The following FMN1 variants were observed in gnomAD, a reference collection of about 807,000 sequenced individuals.
FMN1 encodes the protein formin-1.
A neutral mutation model predicts 132.4 loss-of-function variants in FMN1; 110 were observed. The observed-to-expected ratio is 0.83, with a 90% CI of 0.71 to 0.97. The LOEUF (loss-of-function observed/expected upper bound fraction) is 0.97, where lower values mean the gene tolerates loss of function less well. Among genes scored for constraint, FMN1 ranks in the 50% least tolerant of loss-of-function variants. FMN1 has a pLI of 0.00. For synonymous variants in FMN1, 722 were observed against 651.7 expected, an observed-to-expected ratio of 1.11 and a Z score of -1.64; for missense variants, 1,792 against 1,705.3, an observed-to-expected ratio of 1.05 and a Z score of -0.90.
chr15:33,089,178 G>A (rs1235592407), intron 4 of FMN1, among the ~76,000 whole-genome samples: 1 of 151,962 alleles, frequency 6.6e-6, no homozygotes, highest in Non-Finnish European at 1.5e-5. Flanking sequence ...TACAACATAC[G>A]CCCTCATCCC....
chr15:32,934,064 T>C (rs892567787), intron 9 of FMN1, among the ~76,000 whole-genome samples: 1 of 150,730 alleles, frequency 6.6e-6, no homozygotes, highest in Non-Finnish European at 1.5e-5. Context: ...TCTATATTGA[T>C]GACTTTTGTG....
At chr15:32,930,335 A>AC (rs1355998319) in intron 9 of FMN1, among the ~76,000 whole-genome samples, 1 of 151,824 alleles carries the variant, frequency 6.6e-6, no homozygotes, top group African/African-American at 2.4e-5. Flanking sequence ...TAGTGACTAC[A>AC]CCATTTTACA....
chr15:33,109,963 G>C (rs993821547), intron 4 of FMN1, among the ~76,000 whole-genome samples: 37 of 152,086 alleles, frequency 2.4e-4, no homozygotes, highest in African/African-American at 8.9e-4. Flanking sequence ...ACTTCACCTA[G>C]CAACTGGACA....
chr15:32,905,906 T>TGCCTCACCCTCCCGC (rs1388882739), intron 12 of FMN1, among the ~76,000 whole-genome samples: 71 of 152,222 alleles, frequency 4.7e-4, no homozygotes, highest in African/African-American at 1.6e-3. Flanking sequence ...CATCTATCCG[T>TGCCTCACCCTCCCGC]GCCTCACCCT....
intron 4 of FMN1, among the ~76,000 whole-genome samples, chr15:33,116,608 G>A (rs564748219): frequency 7.9e-5 from 12 of 152,056 alleles, no homozygotes; most frequent in Non-Finnish European, 1.5e-4. Flanking sequence ...CACCTCCCAG[G>A]CTTAAATTAT....
intron 17 of FMN1, among the ~76,000 whole-genome samples, chr15:32,828,547 C>T (rs1284064794): frequency 1.3e-5 from 2 of 151,422 alleles, no homozygotes; most frequent in Non-Finnish European, 2.9e-5. Context: ...AGTGAATAGA[C>T]TCTAGCTTGG....
chr15:33,175,306 T>G (rs1965478203), intron 3 of FMN1, among the ~76,000 whole-genome samples: 1 of 152,176 alleles, frequency 6.6e-6, no homozygotes, highest in African/African-American at 2.4e-5. Flanking sequence ...TAGGCTCAAG[T>G]GACCCGCCTG....
chr15:32,968,974 T>G lies in FMN1; in HGVS notation c.2727A>C (p.Pro909=). ...AGPPLPPPPP[P]PPPLPPPSSA... is the part of the protein sequence containing the mutation. Reference sequence around the variant, plus strand: ...TTGAAGGTGGAGGTAGAGGTGGCGGTGGAGGAGGCGGAGGTGGTAGCGGTG... The same window carrying G: ...TTGAAGGTGGAGGTAGAGGTGGCGGGGGAGGAGGCGGAGGTGGTAGCGGTG... Residue 909 remains proline (P), a synonymous_variant, in exon 8 of 21, where the codon CCA becomes CCC. Coordinates refer to ENST00000616417, the MANE Select transcript of FMN1 (RefSeq NM_001277313.2). 3.4e-6 allele frequency: 3 copies of G among 883,506 alleles called. No homozygotes were observed. Among genetic ancestry groups the G allele is most frequent in the African/African-American group, 2.1e-5 (1 of 48,568 alleles). The allele number at this position is 883,506 out of a possible 1,614,324, so 54.7% of individuals were successfully genotyped here.
At chr15:33,102,980 T>C (rs1336548917) in intron 4 of FMN1, among the ~76,000 whole-genome samples, 1 of 152,098 alleles carries the variant, frequency 6.6e-6, no homozygotes, top group African/African-American at 2.4e-5. Flanking sequence ...TAATTTATTT[T>C]TTATTTGTCT....
intron 7 of FMN1, among the ~76,000 whole-genome samples, chr15:32,980,061 C>T (rs756678697): frequency 1.3e-5 from 2 of 151,900 alleles, no homozygotes; most frequent in East Asian, 3.9e-4. Flanking sequence ...GGCAAACAAA[C>T]AAAGAGGGTT....
intron 17 of FMN1, among the ~76,000 whole-genome samples, chr15:32,839,035 C>T (rs1209680069): frequency 1.3e-5 from 2 of 152,076 alleles, no homozygotes; most frequent in Non-Finnish European, 2.9e-5. Flanking sequence ...ACTGGACAAA[C>T]AGTTCATTTC....
intron 4 of FMN1, among the ~76,000 whole-genome samples, chr15:33,128,805 G>C (rs149674708): frequency 1.3e-5 from 2 of 152,368 alleles, no homozygotes; most frequent in East Asian, 1.9e-4. Context: ...AAGATTTACT[G>C]TCACGAGCAA....
chr15:33,141,459 G>A (rs920770120), intron 4 of FMN1, among the ~76,000 whole-genome samples: 8 of 152,134 alleles, frequency 5.3e-5, no homozygotes, highest in African/African-American at 9.7e-5. Context: ...ACCCATCACG[G>A]GTAGGATCCC....
chr15:33,025,161 G>C (rs2035608180), intron 6 of FMN1, among the ~76,000 whole-genome samples: 1 of 152,114 alleles, frequency 6.6e-6, no homozygotes, highest in Non-Finnish European at 1.5e-5. Context: ...GTTAAGTAGT[G>C]AGTATAATCA....
chr15:32,972,273 T>C (rs2031856270), intron 7 of FMN1, among the ~76,000 whole-genome samples: 1 of 152,234 alleles, frequency 6.6e-6, no homozygotes, highest in South Asian at 2.1e-4. Context: ...ACTGTCTACA[T>C]GCTCTATGCT....
intron 4 of FMN1, among the ~76,000 whole-genome samples, chr15:33,142,150 A>G (rs1964037323): frequency 6.6e-6 from 1 of 152,242 alleles, no homozygotes; most frequent in Admixed American, 6.5e-5. Flanking sequence ...ATCAGACTCT[A>G]TAAAGTACAG....
At chr15:32,940,454 CTAGTT>C (rs2061377725) in intron 9 of FMN1, among the ~76,000 whole-genome samples, 1 of 150,408 alleles carries the variant, frequency 6.6e-6, no homozygotes, top group Non-Finnish European at 1.5e-5. Flanking sequence ...AGTTCAAAGA[CTAGTT>C]TAAAGAGGGC....
intron 7 of FMN1, among the ~76,000 whole-genome samples, chr15:32,990,648 G>T (rs1218828633): frequency 6.6e-6 from 1 of 152,154 alleles, no homozygotes; most frequent in Non-Finnish European, 1.5e-5. Context: ...AAGAACAACT[G>T]TATTAGTCTG....
chr15:32,993,550 TAAC>T (rs373922311), intron 7 of FMN1, among the ~76,000 whole-genome samples: 14 of 152,202 alleles, frequency 9.2e-5, no homozygotes, highest in African/African-American at 2.9e-4. Context: ...TGTATCCAGT[TAAC>T]AAGAGCTTTC....
Sources: gnomAD v4.1 joint callset for allele counts (sites outside exome capture counted in the v4.1 genomes callset) on GRCh38, gnomAD v4.1.1 for gene constraint, MANE v1.5 for transcripts, NCBI Gene and HGNC (gene_info 2026-07-23, HGNC 2026-07-21) for gene names.